The following TLL1 variants were observed in gnomAD, a reference collection of about 807,000 sequenced individuals.
TLL1 encodes the protein tolloid like 1.
In TLL1, 49 loss-of-function variants were observed where a neutral mutation model predicts 128.2. The ratio of observed to expected loss-of-function variants is 0.38; its 90% CI spans 0.30 to 0.48. The LOEUF is 0.48. Ranked by LOEUF, TLL1 falls within the 20% of genes least tolerant of loss-of-function variation. The pLI is 0.96. For missense variants in TLL1, 1,123 were observed against 1,242.0 expected (o/e 0.90, Z 1.44); for synonymous variants, 454 against 418.8 (o/e 1.08, Z -1.03).
intron 8 of TLL1, among the ~76,000 whole-genome samples, chr4:166,022,322 C>G (rs567272384): frequency 6.6e-6 from 1 of 152,106 alleles, no homozygotes; most frequent in Non-Finnish European, 1.5e-5. Flanking sequence ...GCCGCCACCA[C>G]ATCTGGCTAG....
chr4:165,908,496 T>C (rs1444415237), intron 1 of TLL1, among the ~76,000 whole-genome samples: 1 of 149,086 alleles, frequency 6.7e-6, no homozygotes, highest in Non-Finnish European at 1.5e-5. Flanking sequence ...GGTGAGAGGA[T>C]CACCTGAGCC....
Position 166,057,208 on chromosome 4 carries a change from A to G in TLL1, c.1745A>G (p.Asp582Gly). ...FKEEDECAKPDRGGCEQRCLN... is the reference protein window; with the variant it reads ...FKEEDECAKPGRGGCEQRCLN... The stretch of plus-strand genomic sequence containing the variant: ...GAGGAAGATGAGTGTGCCAAACCTG[A>G]CCGTGGAGGCTGTGAGCAGCGATGT... The change falls in exon 14 of 21, where the codon GAC (aspartate) becomes GGC (glycine). Residue 582 changes from aspartate to glycine, a missense_variant. Physicochemically the swap from Asp to Gly is moderately conservative, Grantham distance 94. Transcript: ENST00000061240. 2 of 1,613,876 alleles carry G rather than the reference A, an allele frequency of 1.2e-6. No individual in the cohort carries two copies. Among genetic ancestry groups the G allele is most frequent in the Non-Finnish European group, 1.7e-6 (2 of 1,179,924 alleles).
chr4:165,974,274 G>C (rs969137556), intron 1 of TLL1, among the ~76,000 whole-genome samples: 1 of 139,640 alleles, frequency 7.2e-6, no homozygotes, highest in Non-Finnish European at 1.5e-5. Context: ...CCAAGTAGCT[G>C]GGACTACAGG....
intron 1 of TLL1, among the ~76,000 whole-genome samples, chr4:165,946,308 A>T (rs1734246386): frequency 6.6e-6 from 1 of 151,966 alleles, no homozygotes; most frequent in South Asian, 2.1e-4. Flanking sequence ...GAGTTGTGAG[A>T]TAAATAATGT....
chr4:165,918,581 C>T (rs1333394949), intron 1 of TLL1, among the ~76,000 whole-genome samples: 3 of 151,476 alleles, frequency 2.0e-5, no homozygotes, highest in African/African-American at 7.3e-5. Context: ...TTTTCTTTTC[C>T]ACTGTTTCAA....
At chr4:166,040,675 C>G (rs1739198453) in intron 10 of TLL1, among the ~76,000 whole-genome samples, 1 of 152,198 alleles carries the variant, frequency 6.6e-6, no homozygotes, top group African/African-American at 2.4e-5. Flanking sequence ...AAACTTGGCT[C>G]TCACTCTATA....
At chr4:165,972,513 G>A (rs898950200) in intron 1 of TLL1, among the ~76,000 whole-genome samples, 1 of 152,284 alleles carries the variant, frequency 6.6e-6, no homozygotes, top group Admixed American at 6.5e-5. Flanking sequence ...AGGTGGTGGG[G>A]TGGGGAGTAA....
At chr4:166,067,275 T>C (rs1740615527) in intron 16 of TLL1, among the ~76,000 whole-genome samples, 2 of 151,864 alleles carry the variant, frequency 1.3e-5, no homozygotes. Flanking sequence ...AGAAACATGC[T>C]ACAAATACTG....
At position 166,025,245 on chromosome 4, in the gene TLL1, T is replaced by G. The variant is rs535585273; in HGVS notation, c.1043-71T>G. ...TGTCTACTACCAAAAAAACCCTTCA[T>G]GGCTTTGTTTATGATATTCACGTAT... On this transcript the variant is annotated intron_variant, in intron 8 of 20. Coordinates refer to ENST00000061240, the MANE Select transcript of TLL1 (RefSeq NM_012464.5). 4 of 1,156,558 alleles carry G rather than the reference T, an allele frequency of 3.5e-6. No individual in the cohort carries two copies. In the South Asian group the frequency reaches 5.0e-5, roughly 14 times the overall value. 71.6% of individuals were successfully genotyped at this position (1,156,558 alleles called of 1,614,324 possible). A position where few individuals can be genotyped will look rare whatever the true frequency, so the allele number is the denominator to read the frequency against.
intron 19 of TLL1, among the ~76,000 whole-genome samples, chr4:166,097,276 G>A (rs1742069436): frequency 6.6e-6 from 1 of 152,138 alleles, no homozygotes; most frequent in African/African-American, 2.4e-5. Context: ...GAAAGGGAAG[G>A]TGCTTGGCTT....
intron 1 of TLL1, among the ~76,000 whole-genome samples, chr4:165,891,920 T>TTAG (rs1426644530): frequency 6.6e-5 from 10 of 152,220 alleles, no homozygotes; most frequent in African/African-American, 1.9e-4. Flanking sequence ...ATTTACTGTA[T>TTAG]TAGTCCTCAT....
chr4:166,100,892 C>A lies in TLL1; in HGVS notation c.*16C>A. 1.2e-6 allele frequency: 2 copies of A among 1,611,712 alleles called. No homozygotes were observed. The highest frequency in any genetic ancestry group is 2.2e-5 in the South Asian group (2 of 90,950). On this transcript the variant is annotated 3_prime_UTR_variant, in exon 21 of 21. Transcript: ENST00000061240. ...CAAAAAATAACACCAAAACCTCTGT[C>A]AGAACACAAAGGAATGTGCATAATG...
chr4:165,943,992 A>G (rs929315039), intron 1 of TLL1, among the ~76,000 whole-genome samples: 6 of 152,132 alleles, frequency 3.9e-5, no homozygotes, highest in African/African-American at 1.4e-4. Context: ...GGGCTCAGCT[A>G]TTTGAGAATA....
intron 9 of TLL1, among the ~76,000 whole-genome samples, chr4:166,028,459 C>T (rs1738608357): frequency 6.6e-6 from 1 of 152,064 alleles, no homozygotes; most frequent in African/African-American, 2.4e-5. Context: ...GACTAGTATT[C>T]ATAAGACTAA....
chr4:165,959,176 G>T (rs1316000294), intron 1 of TLL1, among the ~76,000 whole-genome samples: 1 of 152,058 alleles, frequency 6.6e-6, no homozygotes, highest in Non-Finnish European at 1.5e-5. Context: ...TTTGGCTTAG[G>T]ATTGACTTGG....
chr4:165,961,059 A>G (rs1163748856), intron 1 of TLL1, among the ~76,000 whole-genome samples: 2 of 152,126 alleles, frequency 1.3e-5, no homozygotes, highest in Non-Finnish European at 2.9e-5. Flanking sequence ...ATGATTCAAT[A>G]CCTAGAAGAC....
At chr4:166,003,138 A>G (rs760862081) in intron 5 of TLL1, among the ~76,000 whole-genome samples, 1 of 152,168 alleles carries the variant, frequency 6.6e-6, no homozygotes, top group Non-Finnish European at 1.5e-5. Context: ...GAATGCTTCT[A>G]AAAATGATGT....
chr4:165,920,943 A>T (rs1319497217), intron 1 of TLL1, among the ~76,000 whole-genome samples: 1 of 152,248 alleles, frequency 6.6e-6, no homozygotes, highest in Non-Finnish European at 1.5e-5. Flanking sequence ...TGAATATTAT[A>T]CAAACAAATG....
chr4:166,030,139 C>T (rs1324896197), intron 9 of TLL1, among the ~76,000 whole-genome samples: 2 of 152,118 alleles, frequency 1.3e-5, no homozygotes, highest in Admixed American at 6.6e-5. Flanking sequence ...TTCTGTCCAT[C>T]CTCACCAACA....
Sources: allele counts gnomAD v4.1 joint callset (sites outside exome capture counted in the v4.1 genomes callset), GRCh38; gene constraint gnomAD v4.1.1; transcripts MANE v1.5; gene names NCBI Gene and HGNC (gene_info 2026-07-23, HGNC 2026-07-21).